RPN2: variants seen among roughly 807,000 people sequenced by gnomAD.
RPN2 encodes ribophorin II, also known as dolichyl-diphosphooligosaccharide--protein glycosyltransferase subunit 2.
In RPN2, 29 loss-of-function variants were observed where a neutral mutation model predicts 71.4. The ratio of observed to expected loss-of-function variants is 0.41; its 90% CI spans 0.30 to 0.55. RPN2 has a LOEUF of 0.55. Ranked by LOEUF, RPN2 falls within the 20% of genes least tolerant of loss-of-function variation. The pLI, the probability that RPN2 is intolerant of heterozygous loss-of-function variation, is 0.35. For missense variants in RPN2, 726 were observed against 774.1 expected, an observed-to-expected ratio of 0.94 and a Z score of 0.74; for synonymous variants, 308 against 305.0, an observed-to-expected ratio of 1.01 and a Z score of -0.10.
intron 2 of RPN2, among the ~76,000 whole-genome samples, chr20:37,192,203 G>C (rs1275280123): frequency 6.6e-6 from 1 of 152,226 alleles, no homozygotes; most frequent in African/African-American, 2.4e-5. Flanking sequence ...CCTGGCACAT[G>C]ATGAGTGCAT....
chr20:37,216,867 T>C (rs1171522900), intron 9 of RPN2, among the ~76,000 whole-genome samples: 2 of 152,208 alleles, frequency 1.3e-5, no homozygotes, highest in Non-Finnish European at 2.9e-5. Context: ...CACCCTTTTC[T>C]ATAATTGTAC....
At chr20:37,236,885 G>A (rs1261323122) in intron 16 of RPN2, among the ~76,000 whole-genome samples, 176 bp downstream of exon 16, 1 of 152,242 alleles carries the variant, frequency 6.6e-6, no homozygotes, top group African/African-American at 2.4e-5. Context: ...AAGAGCCTTA[G>A]TGGTCAGCTT....
At chr20:37,238,336 C>T in intron 16 of RPN2, 6 of 1,277,158 alleles carry the variant, frequency 4.7e-6, no homozygotes, top group Non-Finnish European at 6.7e-6. Flanking sequence ...TTTGTCATTT[C>T]TTTCCTCAGC....
intron 10 of RPN2, among the ~76,000 whole-genome samples, 193 bp from the exon 11 acceptor site, chr20:37,225,495 C>A (rs1203148844): frequency 6.6e-6 from 1 of 152,208 alleles, no homozygotes; most frequent in East Asian, 1.9e-4. Context: ...TTATTCTGCA[C>A]TTTTCTCAGT....
Position 37,199,245 on chromosome 20 carries a change from A to G in RPN2, c.479+20A>G, listed in dbSNP as rs546650562. 6 of 1,612,160 alleles carry G rather than the reference A, an allele frequency of 3.7e-6. No individual in the cohort carries two copies. The highest frequency in any genetic ancestry group is 1.7e-5 in the Admixed American group (1 of 60,014). ...GCTGGCGTGAGTTGTCATCTCGAGC[A>G]TTTCTCAGGCTTCATTTGTCTCGGG... On this transcript the variant is annotated intron_variant, in intron 4 of 16. Coordinates refer to ENST00000237530, the MANE Select transcript of RPN2 (RefSeq NM_002951.5).
At chr20:37,200,803 C>T (rs1568972782) in intron 4 of RPN2, among the ~76,000 whole-genome samples, 1 of 152,094 alleles carries the variant, frequency 6.6e-6, no homozygotes, top group Non-Finnish European at 1.5e-5. Flanking sequence ...GGGAATGCTT[C>T]TCCAGTCACC....
intron 15 of RPN2, among the ~76,000 whole-genome samples, chr20:37,235,186 G>A (rs1019731690): frequency 2.6e-5 from 4 of 152,092 alleles, no homozygotes; most frequent in Non-Finnish European, 4.4e-5. Flanking sequence ...TAAGAGCCCC[G>A]CTGTAGTTCA....
At chr20:37,234,983 C>T (rs1215677704) in intron 15 of RPN2, among the ~76,000 whole-genome samples, 1 of 152,036 alleles carries the variant, frequency 6.6e-6, no homozygotes, top group African/African-American at 2.4e-5. Flanking sequence ...CCTGGCCTGA[C>T]CTTAATATTT....
At chr20:37,214,886 GTATCC>G (rs1029119771) in intron 9 of RPN2, among the ~76,000 whole-genome samples, 1 of 152,082 alleles carries the variant, frequency 6.6e-6, no homozygotes, top group African/African-American at 2.4e-5. Flanking sequence ...GACTCTGTAA[GTATCC>G]TAATGATGTT....
rs1290398896 is a variant in RPN2, at chr20:37,228,597, T to C, written c.1347T>C (p.Phe449=). 2 of 1,614,250 alleles carry C rather than the reference T, an allele frequency of 1.2e-6. No homozygotes were observed. The highest frequency in any genetic ancestry group is 1.1e-5 in the South Asian group (1 of 91,088). ...AGAAGACTGGCCAGGAAGTGGTGTT[T>C]GTTGCCGAGCCAGACAACAAGAACG... ...HNQKTGQEVV[F]VAEPDNKNVY... The change falls in exon 12 of 17, where the codon TTT becomes TTC. Residue 449 remains phenylalanine, a synonymous_variant. Transcript: ENST00000237530.
intron 7 of RPN2, among the ~76,000 whole-genome samples, chr20:37,209,758 T>C (rs1343014195): frequency 1.3e-5 from 2 of 152,070 alleles, no homozygotes; most frequent in East Asian, 1.9e-4. Flanking sequence ...ACTGCAATTA[T>C]AGGCATGAGC....
chr20:37,228,815 G>A (rs1315714896), intron 12 of RPN2, 71 bp downstream of exon 12: 1 of 1,429,570 alleles, frequency 7.0e-7, no homozygotes, highest in Non-Finnish European at 9.8e-7. Context: ...TCTTTTTCAG[G>A]GGCATGGGGC....
At chr20:37,212,290 C>T (rs1034268633) in intron 8 of RPN2, among the ~76,000 whole-genome samples, 2 of 151,676 alleles carry the variant, frequency 1.3e-5, no homozygotes, top group African/African-American at 4.8e-5. Context: ...AAAACAAAAA[C>T]AAAAAACTAA....
intron 2 of RPN2, among the ~76,000 whole-genome samples, chr20:37,188,444 C>T (rs1218837606): frequency 3.3e-5 from 5 of 151,960 alleles, no homozygotes; most frequent in East Asian, 1.9e-4. Context: ...TGAGCCACCG[C>T]GCCCGGCCCA....
At chr20:37,204,939 G>T (rs769665792) in intron 6 of RPN2, 38 bp downstream of exon 6, 3 of 1,613,914 alleles carry the variant, frequency 1.9e-6, no homozygotes, top group Non-Finnish European at 2.5e-6. Flanking sequence ...AAACCCAAAG[G>T]GGTCATCAGC....
At position 37,232,336 on chromosome 20, in the gene RPN2, T is replaced by A; in HGVS notation, c.1622T>A (p.Val541Glu). 6.2e-7 allele frequency: 1 copy of A among 1,614,238 alleles called. No homozygotes were observed. The highest frequency in any genetic ancestry group is 8.5e-7 in the Non-Finnish European group (1 of 1,180,024). Residue 541 changes from valine to glutamate, a missense_variant, in exon 14 of 17, where the codon GTG becomes GAG. By Grantham distance (121) the Val-to-Glu change is moderately radical. Transcript: ENST00000237530. Reference protein sequence around the residue: ...REPEKRPPTVVSNTFTALILS... With the variant: ...REPEKRPPTVESNTFTALILS... ...CCTGAGAAGAGGCCCCCCACCGTGG[T>A]GTCCAATACATTCACTGCCCTGATC...
chr20:37,189,259 A>G (rs911625038), intron 2 of RPN2, among the ~76,000 whole-genome samples: 1 of 151,168 alleles, frequency 6.6e-6, no homozygotes. Context: ...ATCCATTTCA[A>G]TTGTTATCCT....
intron 2 of RPN2, among the ~76,000 whole-genome samples, chr20:37,189,751 C>T (rs1409081378): frequency 2.0e-5 from 3 of 152,190 alleles, no homozygotes; most frequent in Non-Finnish European, 2.9e-5. Context: ...TGAAGCCTAC[C>T]TCACTGAATC....
intron 2 of RPN2, among the ~76,000 whole-genome samples, chr20:37,190,928 TTA>T (rs2146533406): frequency 6.6e-6 from 1 of 152,312 alleles, no homozygotes; most frequent in South Asian, 2.1e-4. Context: ...ATTGAGAGAT[TTA>T]TGTCATTACT....
Sources: allele counts gnomAD v4.1 joint callset (sites outside exome capture counted in the v4.1 genomes callset), GRCh38; gene constraint gnomAD v4.1.1; transcripts MANE v1.5; gene names NCBI Gene and HGNC (gene_info 2026-07-23, HGNC 2026-07-21).